LDHC: variants seen among roughly 807,000 people sequenced by gnomAD.
LDHC encodes the protein lactate dehydrogenase C, also known as L-lactate dehydrogenase C chain.
A neutral mutation model predicts 30.2 loss-of-function variants in LDHC; 20 were observed. The observed-to-expected ratio is 0.66, with a 90% CI of 0.47 to 0.96. The LOEUF (loss-of-function observed/expected upper bound fraction) is 0.96, where lower values mean the gene tolerates loss of function less well. LDHC is among the 40% of genes least tolerant of loss of function. The pLI, the probability that LDHC is intolerant of heterozygous loss-of-function variation, is 0.00. For synonymous variants in LDHC, 139 were observed against 132.7 expected (o/e 1.05, Z -0.32); for missense variants, 362 against 394.9 (o/e 0.92, Z 0.71).
chr11:18,451,252 C>G lies in LDHC; in HGVS notation c.*125C>G. ...AACAAATTGGAGACCTGTGACATAA[C>G]TCTAGTCTCTCAAGATTAGAACGAG... On this transcript the variant is annotated 3_prime_UTR_variant, in exon 8 of 8. Transcript: ENST00000541669. The G allele has an allele frequency of 5.2e-6, 3 of 581,212 alleles. No homozygotes were observed. Among genetic ancestry groups the G allele is most frequent in the South Asian group, 2.9e-5 (1 of 35,002 alleles). The allele number at this position is 581,212 out of a possible 1,614,324, so 36.0% of individuals were successfully genotyped here.
intron 6 of LDHC, among the ~76,000 whole-genome samples, chr11:18,442,560 A>G (rs1848484292): frequency 6.6e-6 from 1 of 152,048 alleles, no homozygotes; most frequent in Admixed American, 6.6e-5. Context: ...TTAACCAACT[A>G]GACTGTTTTT....
chr11:18,433,843 C>T (rs1350848591), intron 4 of LDHC, among the ~76,000 whole-genome samples: 1 of 152,140 alleles, frequency 6.6e-6, no homozygotes, highest in African/African-American at 2.4e-5. Flanking sequence ...ATGTCTAGGT[C>T]TCTAGCAAGG....
In LDHC at chr11:18,451,371, A is replaced by C. The variant is rs1389698318; in HGVS notation, c.*244A>C. 3.9e-6 allele frequency: 1 copy of C among 256,828 alleles called. No homozygotes were observed. Among genetic ancestry groups the C allele is most frequent in the East Asian group, 8.2e-5 (1 of 12,216 alleles). 15.9% of individuals were successfully genotyped at this position (256,828 alleles called of 1,614,324 possible). On this transcript the variant is annotated 3_prime_UTR_variant, in exon 8 of 8. Transcript: ENST00000541669. ...CAGGTGTAAGTTATACTTCTGAGGT[A>C]TGTCACATATGTTAGAGTGCCTTCA... is the stretch of plus-strand genomic sequence containing the variant.
At chr11:18,444,648 A>ATATATATT (rs1848524341) in intron 6 of LDHC, among the ~76,000 whole-genome samples, 1 of 123,682 alleles carries the variant, frequency 8.1e-6, no homozygotes, top group Non-Finnish European at 1.7e-5. Context: ...ATATATATAT[A>ATATATATT]TGCCTTATCT....
At chr11:18,444,554 T>C (rs1332501963) in intron 6 of LDHC, among the ~76,000 whole-genome samples, 2 of 142,972 alleles carry the variant, frequency 1.4e-5, no homozygotes, top group Non-Finnish European at 3.1e-5. Flanking sequence ...AGTCAAATCA[T>C]AGGACACTAC....
intron 4 of LDHC, 41 bp downstream of exon 4, chr11:18,429,951 T>C: frequency 8.2e-7 from 1 of 1,221,370 alleles, no homozygotes; most frequent in Non-Finnish European, 1.2e-6. Context: ...AAGGATGATC[T>C]TTCCATACCA....
At chr11:18,442,951 A>G (rs903642836) in intron 6 of LDHC, among the ~76,000 whole-genome samples, 10 of 152,034 alleles carry the variant, frequency 6.6e-5, no homozygotes, top group Non-Finnish European at 1.0e-4. Flanking sequence ...TTATATTTCT[A>G]AAGCAAATGT....
At chr11:18,436,481 G>GATTTTTTTTTTT (rs762530928) in intron 5 of LDHC, among the ~76,000 whole-genome samples, 1 of 108,186 alleles carries the variant, frequency 9.2e-6, no homozygotes, top group African/African-American at 3.6e-5. Context: ...ATAATACAAA[G>GATTTTTTTTTTT]TTTTTTTTTT....
At chr11:18,442,320 GTTAC>G (rs1848480912) in intron 6 of LDHC, among the ~76,000 whole-genome samples, 1 of 152,138 alleles carries the variant, frequency 6.6e-6, no homozygotes, top group African/African-American at 2.4e-5. Flanking sequence ...TATCTTCCCA[GTTAC>G]TTCTGGCTTT....
At chr11:18,438,794 C>T (rs1012576516) in intron 6 of LDHC, 149 bp downstream of exon 6, 2 of 468,624 alleles carry the variant, frequency 4.3e-6, no homozygotes, top group Non-Finnish European at 7.7e-6. Context: ...TTATACATAG[C>T]TTTCTTTTTG....
At chr11:18,430,295 C>A (rs1178046142) in intron 4 of LDHC, among the ~76,000 whole-genome samples, 1 of 151,964 alleles carries the variant, frequency 6.6e-6, no homozygotes, top group Non-Finnish European at 1.5e-5. Flanking sequence ...TTTTTAGTGC[C>A]AAAGTATTCT....
In LDHC at chr11:18,413,332, C is replaced by T. The variant is rs531246615; in HGVS notation, c.126+489C>T. Reference sequence around the variant, plus strand: ...TCCTGACCTCAAGTGATCCGCCTGCCTCGGCCTCCCAGAGTACTGGGATTA... The same window carrying T: ...TCCTGACCTCAAGTGATCCGCCTGCTTCGGCCTCCCAGAGTACTGGGATTA... On this transcript the variant is annotated intron_variant, in intron 2 of 7. Transcript: ENST00000541669. 7.2e-5 allele frequency among the ~76,000 whole-genome samples: 11 copies of T among 152,230 alleles called. 1 individual carries two copies. The highest frequency in any genetic ancestry group is 6.5e-4 in the Admixed American group (10 of 15,270).
intron 6 of LDHC, among the ~76,000 whole-genome samples, chr11:18,444,840 A>T (rs1202536201): frequency 2.6e-5 from 4 of 151,712 alleles, no homozygotes; most frequent in African/African-American, 9.7e-5. Flanking sequence ...TGTCAATCCA[A>T]ACCTGAGACC....
intron 4 of LDHC, among the ~76,000 whole-genome samples, chr11:18,431,263 C>G (rs1447146158): frequency 6.6e-6 from 1 of 152,038 alleles, no homozygotes; most frequent in Admixed American, 6.6e-5. Flanking sequence ...GAGTTCAAGA[C>G]TAGCCTGGCC....
At chr11:18,436,233 T>G (rs2134063847) in intron 5 of LDHC, among the ~76,000 whole-genome samples, 1 of 152,284 alleles carries the variant, frequency 6.6e-6, no homozygotes, top group Non-Finnish European at 1.5e-5. Flanking sequence ...CATTTAATAT[T>G]CTATAACTTT....
At chr11:18,422,440 A>G (rs532419128) in intron 3 of LDHC, among the ~76,000 whole-genome samples, 15 of 151,894 alleles carry the variant, frequency 9.9e-5, no homozygotes, top group African/African-American at 3.6e-4. Context: ...CCTGTAATCC[A>G]GCTACTTGGT....
intron 3 of LDHC, among the ~76,000 whole-genome samples, chr11:18,428,599 A>G (rs1848206898): frequency 1.3e-5 from 2 of 152,000 alleles, no homozygotes; most frequent in African/African-American, 4.8e-5. Flanking sequence ...ATGAAGCCAC[A>G]TGTGGTAGCT....
intron 6 of LDHC, among the ~76,000 whole-genome samples, chr11:18,439,826 A>AAAC (rs1565055619): frequency 6.9e-6 from 1 of 145,076 alleles, no homozygotes; most frequent in Non-Finnish European, 1.5e-5. Context: ...AAAAAAAAAA[A>AAAC]AAAAAAAAAA....
chr11:18,439,829 A>AAAAAAAAC (rs1848430260), intron 6 of LDHC, among the ~76,000 whole-genome samples: 2 of 114,744 alleles, frequency 1.7e-5, no homozygotes, highest in Admixed American at 1.9e-4. Context: ...AAAAAAAAAA[A>AAAAAAAAC]AAAAAAACAA....
Sources: allele counts gnomAD v4.1 joint callset (sites outside exome capture counted in the v4.1 genomes callset), GRCh38; gene constraint gnomAD v4.1.1; transcripts MANE v1.5; gene names NCBI Gene and HGNC (gene_info 2026-07-23, HGNC 2026-07-21).